Variants in MYT1L observed in about 807,000 individuals in gnomAD.
MYT1L encodes myelin transcription factor 1 like, also known as myelin transcription factor 1-like protein.
Under a neutral mutation model 126.7 loss-of-function variants are expected in MYT1L, and 12 were observed. The observed-to-expected ratio is 0.09, with a 90% CI of 0.06 to 0.15. MYT1L has a LOEUF of 0.15. Ranked by LOEUF, MYT1L falls within the 10% of genes least tolerant of loss-of-function variation. The pLI, the probability that MYT1L is intolerant of heterozygous loss-of-function variation, is 1.00. For synonymous variants in MYT1L, 541 were observed against 604.2 expected (o/e 0.90, Z 1.53); for missense variants, 979 against 1,585.2 (o/e 0.62, Z 6.49).
chr2:2,251,297 A>T (rs1469522464), intron 2 of MYT1L, among the ~76,000 whole-genome samples: 1 of 152,208 alleles, frequency 6.6e-6, no homozygotes, highest in Non-Finnish European at 1.5e-5. Context: ...AGATAACAAG[A>T]TAAACTACTG....
intron 4 of MYT1L, among the ~76,000 whole-genome samples, chr2:2,026,840 C>T (rs1219890135): frequency 2.0e-5 from 3 of 152,128 alleles, no homozygotes; most frequent in African/African-American, 4.8e-5. Context: ...ACCAGGAGGG[C>T]GGGTCTTGAG....
chr2:2,032,745 C>T (rs1288692531), intron 4 of MYT1L, among the ~76,000 whole-genome samples: 2 of 114,260 alleles, frequency 1.8e-5, no homozygotes, highest in Non-Finnish European at 3.7e-5. Context: ...ACACACCCGT[C>T]GCCAGTGCCT....
At chr2:1,890,601 T>C (rs757308387) in intron 15 of MYT1L, among the ~76,000 whole-genome samples, 6 of 151,814 alleles carry the variant, frequency 4.0e-5, no homozygotes, top group Non-Finnish European at 8.8e-5. Context: ...AGCACTTGCC[T>C]CTCAGGAAGA....
intron 1 of MYT1L, among the ~76,000 whole-genome samples, chr2:2,329,530 T>C (rs1350131333): frequency 2.0e-5 from 3 of 152,204 alleles, no homozygotes; most frequent in East Asian, 3.8e-4. Context: ...CAGAATTTTA[T>C]TGTTTTAAAT....
intron 19 of MYT1L, among the ~76,000 whole-genome samples, chr2:1,850,075 C>T (rs561061696): frequency 2.4e-4 from 37 of 151,904 alleles, no homozygotes; most frequent in African/African-American, 8.2e-4. Flanking sequence ...CTTTAACTCT[C>T]CTAGCTTCCT....
chr2:2,210,110 T>G (rs561614310), intron 2 of MYT1L, among the ~76,000 whole-genome samples: 1 of 152,358 alleles, frequency 6.6e-6, no homozygotes, highest in South Asian at 2.1e-4. Flanking sequence ...AGACGTCCAT[T>G]CAGATCTTTT....
rs13397276 is a variant in MYT1L at position 1,805,490 on chromosome 2, G to T, written c.3172+3586C>A. Among the ~76,000 whole-genome samples the T allele has an allele frequency of 5.1e-3, 777 of 152,284 alleles. 10 individuals carry two copies. Among genetic ancestry groups the T allele is most frequent in the African/African-American group, 0.018 (753 of 41,562 alleles). On this transcript the variant is annotated intron_variant, in intron 22 of 24. Coordinates refer to ENST00000647738, the MANE Select transcript of MYT1L (RefSeq NM_001303052.2). Reference sequence around the variant, plus strand: ...AAGAAGGCCGGGCATGGTGGCTCACGCCTATAATCCCAGCACTTTGGGAGG... The same window carrying T: ...AAGAAGGCCGGGCATGGTGGCTCACTCCTATAATCCCAGCACTTTGGGAGG...
rs549879691 is a variant in MYT1L, at chr2:1,811,953, C to T, written c.3081-2786G>A. On this transcript the variant is annotated intron_variant, in intron 21 of 24. Coordinates refer to ENST00000647738, the MANE Select transcript of MYT1L (RefSeq NM_001303052.2). The surrounding 1 kb of genome is among the most constrained non-coding windows in gnomAD (Gnocchi z 4.4). ...TTATCCGTAAATCTGCTTCTGAAGG[C>T]GAGCTGGATATTTTCATTTGTAAAA... Among the ~76,000 whole-genome samples, 1 of 152,174 alleles carries T rather than the reference C, an allele frequency of 6.6e-6. No homozygotes were observed. The highest frequency in any genetic ancestry group is 6.5e-5 in the Admixed American group (1 of 15,274).
At chr2:1,898,776 C>T (rs2049955108) in intron 14 of MYT1L, among the ~76,000 whole-genome samples, 1 of 152,174 alleles carries the variant, frequency 6.6e-6, no homozygotes, top group South Asian at 2.1e-4. Context: ...GGCCTCTGCT[C>T]AGGTAGAGAG....
chr2:1,999,067 T>C (rs1268921044), intron 4 of MYT1L, among the ~76,000 whole-genome samples: 3 of 152,226 alleles, frequency 2.0e-5, no homozygotes, highest in Non-Finnish European at 2.9e-5. Flanking sequence ...TACTACTTCA[T>C]GATTTGAGCA....
intron 3 of MYT1L, among the ~76,000 whole-genome samples, chr2:2,154,222 T>C (rs1487934595): frequency 6.6e-6 from 1 of 152,112 alleles, no homozygotes; most frequent in Non-Finnish European, 1.5e-5. Context: ...AACTCATAGG[T>C]TTCTTAGTCC....
At chr2:2,116,277 G>GTTACGTTCT (rs965547005) in intron 3 of MYT1L, among the ~76,000 whole-genome samples, 1 of 152,208 alleles carries the variant, frequency 6.6e-6, no homozygotes, top group Non-Finnish European at 1.5e-5. Flanking sequence ...CTGATTCCAT[G>GTTACGTTCT]TTACGTTCTT....
chr2:2,013,827 T>C lies in MYT1L; in HGVS notation c.-157-16480A>G, dbSNP rs115089843. Among the ~76,000 whole-genome samples the C allele has an allele frequency of 8.3e-3, 1,261 of 152,354 alleles. 22 individuals carry two copies. The highest frequency in any genetic ancestry group is 0.028 in the African/African-American group (1,167 of 41,590). ...CACCCATGTGGGTTCTGCAGTGCCA[T>C]TCATGCATTCACATGCTGCTGCACG... On this transcript the variant is annotated intron_variant, in intron 4 of 24. Transcript: ENST00000647738.
rs2048295432 is a variant in MYT1L at position 1,887,391 on chromosome 2, C to T, written c.2642+97G>A. On this transcript the variant is annotated intron_variant, in intron 17 of 24. Transcript: ENST00000647738. The surrounding 1 kb of genome is among the most constrained non-coding windows in gnomAD (Gnocchi z 4.8). ...ATTTATATGCTGCGAATGTCGCATG[C>T]TCAAACGGCAAGGCATATACAGATC... 2.6e-6 allele frequency: 4 copies of T among 1,515,834 alleles called. No individual in the cohort carries two copies. In the South Asian group the frequency reaches 3.5e-5, roughly 13 times the overall value. 93.9% of individuals were successfully genotyped at this position (1,515,834 alleles called of 1,614,324 possible).
intron 3 of MYT1L, among the ~76,000 whole-genome samples, chr2:2,109,405 G>A (rs936507764): frequency 2.6e-5 from 4 of 152,080 alleles, no homozygotes; most frequent in African/African-American, 7.2e-5. Flanking sequence ...AAGGGGAGCC[G>A]GATGGGCGCC....
At chr2:1,990,314 C>A (rs1426427838) in intron 5 of MYT1L, among the ~76,000 whole-genome samples, 1 of 152,242 alleles carries the variant, frequency 6.6e-6, no homozygotes, top group African/African-American at 2.4e-5. Context: ...CATAGCTACA[C>A]AGCAGTGCAC....
At chr2:2,191,705 C>T (rs1320147647) in intron 2 of MYT1L, among the ~76,000 whole-genome samples, 2 of 152,168 alleles carry the variant, frequency 1.3e-5, no homozygotes, top group Non-Finnish European at 2.9e-5. Flanking sequence ...AATCAAGACC[C>T]TTTGAATATG....
chr2:1,906,734 GATA>G lies in MYT1L; in HGVS notation c.1818-3443_1818-3441del, dbSNP rs929987959. On this transcript the variant is annotated intron_variant, in intron 13 of 24. Coordinates refer to ENST00000647738, the MANE Select transcript of MYT1L (RefSeq NM_001303052.2). ...CTATTGTCCTTGAGACATTTTCCCA[GATA>G]ATATGATGGTACATAAATGAATAAA... 8.5e-5 allele frequency among the ~76,000 whole-genome samples: 13 copies of G among 152,078 alleles called. No individual in the cohort carries two copies. The South Asian group carries it at 1.0e-3, about 12-fold the overall frequency.
chr2:1,946,666 T>C (rs1399780030), intron 8 of MYT1L, among the ~76,000 whole-genome samples: 2 of 152,148 alleles, frequency 1.3e-5, no homozygotes, highest in East Asian at 1.9e-4. Context: ...ACAATTTTAA[T>C]CACCAGATAA....
Sources: allele counts gnomAD v4.1 joint callset (sites outside exome capture counted in the v4.1 genomes callset), GRCh38; gene constraint gnomAD v4.1.1; non-coding constraint Gnocchi (gnomAD v3.1); transcripts MANE v1.5; gene names NCBI Gene and HGNC (gene_info 2026-07-23, HGNC 2026-07-21).